DNMBP: variants seen among roughly 807,000 people sequenced by gnomAD.
DNMBP encodes dynamin binding protein.
DNMBP carries 87 observed loss-of-function variants against 150.0 expected under a neutral mutation model. The observed-to-expected ratio is 0.58, with a 90% CI of 0.49 to 0.69. DNMBP has a LOEUF of 0.69. Among genes scored for constraint, DNMBP ranks in the 30% least tolerant of loss-of-function variants. The pLI, the probability that DNMBP is intolerant of heterozygous loss-of-function variation, is 0.00. For missense variants in DNMBP, 1,774 were observed against 1,949.0 expected, an observed-to-expected ratio of 0.91 and a Z score of 1.69; for synonymous variants, 711 against 750.4, an observed-to-expected ratio of 0.95 and a Z score of 0.86.
intron 6 of DNMBP, among the ~76,000 whole-genome samples, chr10:99,902,640 A>AT (rs2133234289): frequency 6.9e-6 from 1 of 145,446 alleles, no homozygotes; most frequent in South Asian, 2.2e-4. Context: ...AAAAAAAAAA[A>AT]TTGTTGGCTG....
chr10:99,880,427 T>C (rs747113251), intron 15 of DNMBP, 66 bp from the exon 16 acceptor site: 87 of 1,448,944 alleles, frequency 6.0e-5, no homozygotes, highest in Non-Finnish European at 7.5e-5. Context: ...AGAGGGAGCA[T>C]TGAGAGAAAA....
chr10:99,916,758 C>T lies in DNMBP; in HGVS notation c.2261-7612G>A, dbSNP rs758673100. Among the ~76,000 whole-genome samples, 7 of 151,966 alleles carry T rather than the reference C, an allele frequency of 4.6e-5. No homozygotes were observed. In the East Asian group the frequency reaches 9.7e-4, roughly 21 times the overall value. On this transcript the variant is annotated intron_variant, in intron 4 of 16. Transcript: ENST00000324109. ...GAATTTATTCTACTAAATAATTGGA[C>T]AAGGGCACAAATATGTTCATTCAGG...
intron 1 of DNMBP, among the ~76,000 whole-genome samples, chr10:99,989,667 C>T (rs183006968): frequency 1.7e-3 from 260 of 152,144 alleles, no homozygotes; most frequent in African/African-American, 5.1e-3. Flanking sequence ...GCCGAGATCG[C>T]GCCATCGCAC....
chr10:99,875,781 A>G lies in DNMBP; in HGVS notation c.*1370T>C, dbSNP rs1432946342. 1 of 152,090 alleles carries G rather than the reference A, an allele frequency of 6.6e-6. No individual in the cohort carries two copies. Among genetic ancestry groups the G allele is most frequent in the East Asian group, 1.9e-4 (1 of 5,188 alleles). 9.4% of individuals were successfully genotyped at this position (152,090 alleles called of 1,614,324 possible). On this transcript the variant is annotated 3_prime_UTR_variant, in exon 17 of 17. Transcript: ENST00000324109. ...TTGGAGGAACAGGGGCTGTAAGGCTATTTCTTCCCTTTCTTTTAAAAGACA... is the reference window on the plus strand; with the variant it reads ...TTGGAGGAACAGGGGCTGTAAGGCTGTTTCTTCCCTTTCTTTTAAAAGACA...
intron 1 of DNMBP, among the ~76,000 whole-genome samples, chr10:100,009,071 A>G (rs1269147959): frequency 6.6e-6 from 1 of 152,258 alleles, no homozygotes; most frequent in Admixed American, 6.5e-5. Flanking sequence ...ATATTCCAGA[A>G]TAAGTGAGTG....
At chr10:99,894,679 A>G (rs1248591359) in intron 11 of DNMBP, among the ~76,000 whole-genome samples, 1 of 152,228 alleles carries the variant, frequency 6.6e-6, no homozygotes, top group Non-Finnish European at 1.5e-5. Context: ...AAGTAAAAGA[A>G]AAATAAGGTG....
intron 4 of DNMBP, among the ~76,000 whole-genome samples, chr10:99,949,443 TA>T (rs1478078409): frequency 3.9e-5 from 6 of 152,324 alleles, no homozygotes; most frequent in Non-Finnish European, 8.8e-5. Context: ...ATTAGAGAAG[TA>T]ATGCCTGGTG....
intron 11 of DNMBP, among the ~76,000 whole-genome samples, chr10:99,891,067 G>C (rs1001170055): frequency 1.4e-5 from 2 of 146,320 alleles, no homozygotes; most frequent in South Asian, 4.3e-4. Context: ...ATTTACTAAA[G>C]TCCAGACAGA....
intron 9 of DNMBP, among the ~76,000 whole-genome samples, chr10:99,897,271 G>A (rs543889527): frequency 5.9e-5 from 9 of 152,134 alleles, no homozygotes; most frequent in Non-Finnish European, 1.3e-4. Flanking sequence ...TGGGTGGGTG[G>A]GCAACTGACT....
intron 11 of DNMBP, among the ~76,000 whole-genome samples, chr10:99,893,848 G>C (rs1564720844): frequency 6.6e-6 from 1 of 152,124 alleles, no homozygotes; most frequent in Non-Finnish European, 1.5e-5. Flanking sequence ...CTGATAGGAG[G>C]GAAGAACTTA....
At chr10:99,911,578 CTG>C (rs1462158108) in intron 4 of DNMBP, among the ~76,000 whole-genome samples, 1 of 151,882 alleles carries the variant, frequency 6.6e-6, no homozygotes, top group African/African-American at 2.4e-5. Flanking sequence ...GAAAAAAAAA[CTG>C]CATGTGGAGA....
intron 4 of DNMBP, among the ~76,000 whole-genome samples, chr10:99,915,963 T>C (rs1218526178): frequency 6.6e-6 from 1 of 152,150 alleles, no homozygotes; most frequent in Admixed American, 6.5e-5. Flanking sequence ...AGGCAAACCA[T>C]ATGCATTCTA....
chr10:99,913,156 G>A (rs1589414589), intron 4 of DNMBP, among the ~76,000 whole-genome samples: 1 of 152,094 alleles, frequency 6.6e-6, no homozygotes, highest in South Asian at 2.1e-4. Context: ...TTAGTATCCC[G>A]GACAACAAAG....
At chr10:99,997,600 G>C (rs2040962509) in intron 1 of DNMBP, among the ~76,000 whole-genome samples, 1 of 151,830 alleles carries the variant, frequency 6.6e-6, no homozygotes, top group South Asian at 2.1e-4. Flanking sequence ...GGAAACTCTA[G>C]AGAATAAACG....
chr10:99,954,059 G>T (rs1459925744), intron 4 of DNMBP, among the ~76,000 whole-genome samples: 1 of 151,846 alleles, frequency 6.6e-6, no homozygotes, highest in Admixed American at 6.6e-5. Flanking sequence ...TGGAGACAGG[G>T]TCTCACTCTG....
At chr10:99,922,022 G>C (rs1294266869) in intron 4 of DNMBP, among the ~76,000 whole-genome samples, 1 of 152,100 alleles carries the variant, frequency 6.6e-6, no homozygotes, top group Non-Finnish European at 1.5e-5. Context: ...AGAAAGGGGT[G>C]TCTGACACTG....
At position 99,955,407 on chromosome 10, in the gene DNMBP, G is replaced by T; in HGVS notation, c.2067C>A (p.Ser689=). The T allele has an allele frequency of 6.2e-7, 1 of 1,614,154 alleles. No homozygotes were observed. Among genetic ancestry groups the T allele is most frequent in the Non-Finnish European group, 8.5e-7 (1 of 1,180,016 alleles). ...TCCTCACCAGCACTAAGGGGCATGG[G>T]GAGGTCTGGTCCAGACTCCTTCCCA... ...GHMGRSLDQT[S]PCPLVLVRIE... Residue 689 remains serine, a synonymous_variant, in exon 4 of 17, where the codon TCC becomes TCA. Coordinates refer to ENST00000324109, the MANE Select transcript of DNMBP (RefSeq NM_015221.4).
At chr10:99,944,570 T>C (rs2040337071) in intron 4 of DNMBP, among the ~76,000 whole-genome samples, 1 of 152,186 alleles carries the variant, frequency 6.6e-6, no homozygotes, top group Non-Finnish European at 1.5e-5. Flanking sequence ...GGAAGCTCCT[T>C]GAGACCAGCG....
At chr10:99,912,748 C>T in intron 4 of DNMBP, among the ~76,000 whole-genome samples, 1 of 152,128 alleles carries the variant, frequency 6.6e-6, no homozygotes, top group Admixed American at 6.5e-5. Context: ...TTTCAAACTC[C>T]TGGGGCTCTC....
Sources: gnomAD v4.1 joint callset for allele counts (sites outside exome capture counted in the v4.1 genomes callset) on GRCh38, gnomAD v4.1.1 for gene constraint, MANE v1.5 for transcripts, NCBI Gene and HGNC (gene_info 2026-07-23, HGNC 2026-07-21) for gene names.